Variants in LRRC4C observed in about 807,000 individuals in gnomAD.
The protein encoded by LRRC4C is leucine-rich repeat-containing protein 4C.
A neutral mutation model predicts 33.6 loss-of-function variants in LRRC4C; 5 were observed. The observed-to-expected ratio is 0.15, with a 90% confidence interval of 0.08 to 0.31. The LOEUF is 0.31. Ranked by LOEUF, LRRC4C falls within the 10% of genes least tolerant of loss-of-function variation. The pLI is 1.00. For synonymous variants in LRRC4C, 329 were observed against 302.0 expected (o/e 1.09, Z -0.93); for missense variants, 560 against 796.7 (o/e 0.70, Z 3.58).
chr11:40,840,894 C>T (rs1456061770), intron 2 of LRRC4C, among the ~76,000 whole-genome samples: 2 of 152,148 alleles, frequency 1.3e-5, no homozygotes, highest in African/African-American at 4.8e-5. Flanking sequence ...TTCACTTCTT[C>T]ACTTTATTTT....
chr11:40,336,780 T>C (rs1353996089), intron 3 of LRRC4C, among the ~76,000 whole-genome samples: 1 of 151,594 alleles, frequency 6.6e-6, no homozygotes, highest in Admixed American at 6.6e-5. Context: ...ATCGAGACCA[T>C]CCTGGCTAAC....
At chr11:40,443,999 C>T (rs1229397451) in intron 3 of LRRC4C, among the ~76,000 whole-genome samples, 6 of 152,152 alleles carry the variant, frequency 3.9e-5, no homozygotes, top group Admixed American at 3.9e-4. Flanking sequence ...GAATTTCATT[C>T]AATACAACAA....
intron 5 of LRRC4C, among the ~76,000 whole-genome samples, chr11:40,165,857 A>G (rs1859550330): frequency 6.6e-6 from 1 of 152,160 alleles, no homozygotes; most frequent in Non-Finnish European, 1.5e-5. Flanking sequence ...AGGCAGGAGA[A>G]TTGCTTGAAA....
At chr11:40,970,100 C>T (rs552842156) in intron 1 of LRRC4C, among the ~76,000 whole-genome samples, 8 of 152,208 alleles carry the variant, frequency 5.3e-5, no homozygotes, top group Admixed American at 1.3e-4. Context: ...CCAGCTGACC[C>T]CTGCTGACTC....
intron 1 of LRRC4C, among the ~76,000 whole-genome samples, chr11:41,262,218 T>G (rs142369959): frequency 1.1e-3 from 171 of 152,114 alleles, no homozygotes; most frequent in Non-Finnish European, 2.0e-3. Context: ...ATTAAAAAAT[T>G]TTCCAGTGAC....
intron 5 of LRRC4C, among the ~76,000 whole-genome samples, chr11:40,200,784 A>AAAAAAG (rs71060946): frequency 0.24 from 18,339 of 77,856 alleles, 2,359 homozygotes; most frequent in East Asian, 0.31. Context: ...AAAAAAAAAA[A>AAAAAAG]AAAAGAAAAG....
rs553965544 is a variant in LRRC4C, at chr11:40,128,974, A to G, written c.-43+11827T>C. On this transcript the variant is annotated intron_variant, in intron 6 of 6. Coordinates refer to ENST00000528697, the MANE Select transcript of LRRC4C (RefSeq NM_001258419.2). ...TATTTTTTCTCATACGCTCAGGTGC[A>G]TATTTTCTTACTGCCTGTCTCACCT... Among the ~76,000 whole-genome samples the G allele has an allele frequency of 1.4e-4, 21 of 152,286 alleles. No homozygotes were observed. The South Asian group carries it at 4.1e-3, about 30-fold the overall frequency.
At chr11:40,342,194 G>A (rs1464124562) in intron 3 of LRRC4C, among the ~76,000 whole-genome samples, 3 of 152,182 alleles carry the variant, frequency 2.0e-5, no homozygotes, top group Non-Finnish European at 4.4e-5. Flanking sequence ...AAGGTGGACA[G>A]GTGCAGTGGC....
intron 1 of LRRC4C, among the ~76,000 whole-genome samples, chr11:41,410,319 C>T (rs751900115): frequency 1.3e-5 from 2 of 152,052 alleles, no homozygotes; most frequent in Non-Finnish European, 2.9e-5. Flanking sequence ...ACCTAGTTTT[C>T]CTTATCAACG....
intron 1 of LRRC4C, among the ~76,000 whole-genome samples, chr11:41,425,182 G>A (rs951889711): frequency 4.0e-5 from 6 of 151,892 alleles, no homozygotes; most frequent in East Asian, 1.9e-4. Flanking sequence ...TTCATTAAGG[G>A]GCTCGGTGCA....
At chr11:40,953,128 A>G (rs749159980) in intron 1 of LRRC4C, among the ~76,000 whole-genome samples, 54 of 152,058 alleles carry the variant, frequency 3.6e-4, no homozygotes, top group African/African-American at 1.3e-3. Flanking sequence ...TTTGTTTCAC[A>G]TTTGAGACAG....
Position 40,161,092 on chromosome 11 carries a change from C to T in LRRC4C, c.-95-20239G>A, listed in dbSNP as rs116848606. On this transcript the variant is annotated intron_variant, in intron 5 of 6. Coordinates refer to ENST00000528697, the MANE Select transcript of LRRC4C (RefSeq NM_001258419.2). The stretch of plus-strand genomic sequence containing the variant: ...TTTCCAGAAAGTTTTCATCTAGGAA[C>T]AGAAGTAAAACTTGGTTTATGAATA... Among the ~76,000 whole-genome samples, 48 of 152,200 alleles carry T rather than the reference C, an allele frequency of 3.2e-4. 1 individual carries two copies. The East Asian group carries it at 7.9e-3, about 25-fold the overall frequency.
intron 1 of LRRC4C, among the ~76,000 whole-genome samples, chr11:41,342,530 C>G (rs1051927000): frequency 6.6e-6 from 1 of 152,090 alleles, no homozygotes; most frequent in Non-Finnish European, 1.5e-5. Flanking sequence ...GCCTGATCAA[C>G]ATGGCAAAAC....
chr11:40,604,471 G>A (rs564300344), intron 3 of LRRC4C, among the ~76,000 whole-genome samples: 2 of 152,194 alleles, frequency 1.3e-5, no homozygotes, highest in Admixed American at 6.5e-5. Flanking sequence ...AATATGAGGT[G>A]AGAAAATTCC....
intron 1 of LRRC4C, among the ~76,000 whole-genome samples, chr11:41,356,129 T>C (rs1343909436): frequency 1.3e-5 from 2 of 152,174 alleles, no homozygotes; most frequent in Non-Finnish European, 2.9e-5. Flanking sequence ...TCTTTGTTTT[T>C]AGCTAGTCAT....
chr11:40,865,948 A>AT (rs1954344180), intron 2 of LRRC4C, among the ~76,000 whole-genome samples: 1 of 152,024 alleles, frequency 6.6e-6, no homozygotes, highest in Middle Eastern at 3.4e-3. Context: ...AAATCTGTAG[A>AT]TTTTTTTAAT....
intron 4 of LRRC4C, among the ~76,000 whole-genome samples, chr11:40,314,250 G>T (rs1286086598): frequency 1.3e-5 from 2 of 151,958 alleles, no homozygotes; most frequent in African/African-American, 4.8e-5. Context: ...GATCCGAATA[G>T]ATATTTTTCA....
chr11:40,768,569 C>T (rs1010734810), intron 2 of LRRC4C, among the ~76,000 whole-genome samples: 4 of 152,066 alleles, frequency 2.6e-5, no homozygotes, highest in Non-Finnish European at 4.4e-5. Context: ...CCTTTGTGAA[C>T]ACTGATGCAA....
At chr11:40,870,293 G>T (rs1301359540) in intron 2 of LRRC4C, among the ~76,000 whole-genome samples, 2 of 152,128 alleles carry the variant, frequency 1.3e-5, no homozygotes, top group Non-Finnish European at 2.9e-5. Context: ...CACTGTGAGT[G>T]GGGGGTTGCT....
Sources: gnomAD v4.1 joint callset for allele counts (sites outside exome capture counted in the v4.1 genomes callset) on GRCh38, gnomAD v4.1.1 for gene constraint, MANE v1.5 for transcripts, NCBI Gene and HGNC (gene_info 2026-07-23, HGNC 2026-07-21) for gene names.